PDE4D: variants seen among roughly 807,000 people sequenced by gnomAD.
The protein encoded by PDE4D is phosphodiesterase 4D.
In PDE4D, 24 loss-of-function variants were observed where a neutral mutation model predicts 87.4. That is an observed-to-expected ratio of 0.27 (90% CI 0.20 to 0.39). PDE4D has a LOEUF of 0.39. PDE4D is among the 10% of genes least tolerant of loss of function. The pLI is 1.00. For synonymous variants in PDE4D, 384 were observed against 383.2 expected (o/e 1.00, Z -0.02); for missense variants, 714 against 1,041.0 (o/e 0.69, Z 4.32).
At position 59,890,254 on chromosome 5, in the gene PDE4D, T is replaced by TACACACACACACAC. The variant is rs56258601; in HGVS notation, c.455+2900_455+2913dup. Among the ~76,000 whole-genome samples, 5 of 145,458 alleles carry TACACACACACACAC rather than the reference T, an allele frequency of 3.4e-5. No individual in the cohort carries two copies. The South Asian group carries it at 1.1e-3, about 33-fold the overall frequency. On this transcript the variant is annotated intron_variant, in intron 1 of 14. Transcript: ENST00000340635. ...TGATGGTAAGATGGTGGTGCGCACG[T>TACACACACACACAC]ACACACACACACACACACACACACA...
chr5:60,449,116 T>C (rs1583806139), intron 1 of PDE4D, among the ~76,000 whole-genome samples: 1 of 139,172 alleles, frequency 7.2e-6, no homozygotes, highest in East Asian at 2.2e-4. Flanking sequence ...TGAAAATATG[T>C]TTTAAAAGAG....
intron 1 of PDE4D, among the ~76,000 whole-genome samples, chr5:60,414,033 C>A (rs372119751): frequency 6.6e-6 from 1 of 152,174 alleles, no homozygotes; most frequent in East Asian, 1.9e-4. Context: ...TCGACAGATA[C>A]AATTTCTCCC....
At chr5:60,040,835 A>G (rs1768393790) in intron 2 of PDE4D, among the ~76,000 whole-genome samples, 1 of 152,062 alleles carries the variant, frequency 6.6e-6, no homozygotes, top group Non-Finnish European at 1.5e-5. Context: ...TTACTGAAAA[A>G]CTCAATGAGG....
intron 1 of PDE4D, among the ~76,000 whole-genome samples, chr5:59,470,776 G>A (rs553052119): frequency 6.6e-6 from 1 of 152,064 alleles, no homozygotes; most frequent in Admixed American, 6.6e-5. Context: ...TATTTAAAAG[G>A]ATAAAAATGT....
chr5:59,471,256 GA>G (rs1416326357), intron 1 of PDE4D, among the ~76,000 whole-genome samples: 13 of 152,018 alleles, frequency 8.6e-5, no homozygotes, highest in African/African-American at 3.1e-4. Flanking sequence ...AAAAGAAAAA[GA>G]AAAAGACACT....
At chr5:59,353,683 T>G (rs544372933) in intron 1 of PDE4D, among the ~76,000 whole-genome samples, 1 of 151,958 alleles carries the variant, frequency 6.6e-6, no homozygotes, top group Non-Finnish European at 1.5e-5. Flanking sequence ...TTTCTCTCTT[T>G]TTCTCTTCCT....
chr5:59,214,562 G>A (rs1351153371), intron 2 of PDE4D, among the ~76,000 whole-genome samples: 5 of 152,146 alleles, frequency 3.3e-5, no homozygotes, highest in African/African-American at 1.2e-4. Context: ...GGTCTAAAAT[G>A]CCAGACCTCA....
chr5:60,206,419 A>C (rs1483719685), intron 1 of PDE4D, among the ~76,000 whole-genome samples: 1 of 152,204 alleles, frequency 6.6e-6, no homozygotes, highest in African/African-American at 2.4e-5. Context: ...TGGCCTTGCA[A>C]TATACCCAAA....
At chr5:59,994,588 T>G (rs1356188832) in intron 2 of PDE4D, among the ~76,000 whole-genome samples, 1 of 152,002 alleles carries the variant, frequency 6.6e-6, no homozygotes, top group African/African-American at 2.4e-5. Flanking sequence ...ACATAAAAAT[T>G]TTGTGAGTAC....
chr5:59,856,890 GTATTAGTCCT>G (rs1473649133), intron 1 of PDE4D, among the ~76,000 whole-genome samples: 7 of 152,016 alleles, frequency 4.6e-5, no homozygotes, highest in Non-Finnish European at 1.0e-4. Context: ...AAGAAAATGA[GTATTAGTCCT>G]TTTTTTTCTA....
intron 2 of PDE4D, among the ~76,000 whole-genome samples, chr5:60,075,104 G>A (rs1411706875): frequency 1.3e-5 from 2 of 152,146 alleles, no homozygotes; most frequent in Non-Finnish European, 2.9e-5. Flanking sequence ...AGAGTCACTG[G>A]TCTGTGTACT....
intron 5 of PDE4D, among the ~76,000 whole-genome samples, chr5:59,156,320 A>AAAAAATATATATATATATAT (rs548335725): frequency 3.7e-5 from 3 of 81,780 alleles, no homozygotes; most frequent in African/African-American, 1.5e-4. Context: ...AAAAAAAAAA[A>AAAAAATATATATATATATAT]ATATATATAT....
intron 1 of PDE4D, among the ~76,000 whole-genome samples, chr5:60,319,297 T>C (rs140961292): frequency 0.027 from 4,181 of 152,322 alleles, 170 homozygotes; most frequent in African/African-American, 0.096. Flanking sequence ...GGCTTGTGCA[T>C]TGGTCACGTA....
At chr5:59,593,684 C>T (rs938578380) in intron 1 of PDE4D, among the ~76,000 whole-genome samples, 1 of 152,142 alleles carries the variant, frequency 6.6e-6, no homozygotes, top group African/African-American at 2.4e-5. Flanking sequence ...AGAATCACAA[C>T]ATACCGGAGC....
rs116143094 is a variant in PDE4D at position 59,698,862 on chromosome 5, C to G, written c.455+194306G>C. ...CACAGATCTATATAAGGCTGAAAAA[C>G]CTAATCTCTGTGTCTCTGAAAACTG... is the stretch of plus-strand genomic sequence containing the variant. On this transcript the variant is annotated intron_variant, in intron 1 of 14. Coordinates refer to ENST00000340635, the MANE Select transcript of PDE4D (RefSeq NM_001104631.2). Among the ~76,000 whole-genome samples the G allele has an allele frequency of 5.5e-3, 830 of 152,250 alleles. 4 individuals carry two copies. The highest frequency in any genetic ancestry group is 0.011 in the Admixed American group (175 of 15,288).
chr5:59,295,341 T>C (rs1768851486), intron 1 of PDE4D, among the ~76,000 whole-genome samples: 2 of 152,180 alleles, frequency 1.3e-5, no homozygotes, highest in South Asian at 4.1e-4. Flanking sequence ...TTGAAGTCTA[T>C]GGAAGTTGTA....
intron 1 of PDE4D, among the ~76,000 whole-genome samples, chr5:59,258,657 ATATATATCATATAT>A (rs1761415761): frequency 6.7e-6 from 1 of 148,804 alleles, no homozygotes; most frequent in African/African-American, 2.4e-5. Context: ...TCAGTTAGAA[ATATATATCATATAT>A]TATATATCAT....
chr5:59,720,660 C>A (rs1184674947), intron 1 of PDE4D, among the ~76,000 whole-genome samples: 1 of 152,108 alleles, frequency 6.6e-6, no homozygotes, highest in African/African-American at 2.4e-5. Flanking sequence ...ACAGTTACAA[C>A]TCTGTGTTTT....
intron 2 of PDE4D, among the ~76,000 whole-genome samples, chr5:60,106,318 T>C (rs1776908829): frequency 6.6e-6 from 1 of 151,822 alleles, no homozygotes; most frequent in Non-Finnish European, 1.5e-5. Context: ...CTATACTAAA[T>C]ATATATGCAC....
Sources: allele counts gnomAD v4.1 joint callset (sites outside exome capture counted in the v4.1 genomes callset), GRCh38; gene constraint gnomAD v4.1.1; transcripts MANE v1.5; gene names NCBI Gene and HGNC (gene_info 2026-07-23, HGNC 2026-07-21).